CTNND2: variants seen among roughly 807,000 people sequenced by gnomAD.
CTNND2 encodes the protein catenin delta 2, also known as catenin delta-2.
A neutral mutation model predicts 144.4 loss-of-function variants in CTNND2; 22 were observed. The ratio of observed to expected loss-of-function variants is 0.15; its 90% CI spans 0.11 to 0.22. The LOEUF is 0.22. CTNND2 is among the 10% of genes least tolerant of loss of function. CTNND2 has a pLI of 1.00. For missense variants in CTNND2, 1,353 were observed against 1,618.8 expected, an observed-to-expected ratio of 0.84 and a Z score of 2.82; for synonymous variants, 751 against 695.6, an observed-to-expected ratio of 1.08 and a Z score of -1.25.
intron 2 of CTNND2, among the ~76,000 whole-genome samples, chr5:11,620,595 C>T (rs1039413106): frequency 2.6e-5 from 4 of 152,146 alleles, no homozygotes; most frequent in Non-Finnish European, 5.9e-5. Flanking sequence ...TCATGGGGTG[C>T]CCCTCATTTT....
chr5:11,518,365 G>A (rs1772386745), intron 3 of CTNND2, among the ~76,000 whole-genome samples: 1 of 152,162 alleles, frequency 6.6e-6, no homozygotes, highest in Non-Finnish European at 1.5e-5. Context: ...TATTAGAAAA[G>A]AGTCAAAAAG....
chr5:11,456,324 T>G (rs1252857441), intron 3 of CTNND2, among the ~76,000 whole-genome samples: 1 of 152,032 alleles, frequency 6.6e-6, no homozygotes, highest in African/African-American at 2.4e-5. Context: ...TGCTTTTTTT[T>G]TTTTTGGTGT....
At chr5:11,743,894 C>T (rs1244156870) in intron 1 of CTNND2, among the ~76,000 whole-genome samples, 2 of 152,124 alleles carry the variant, frequency 1.3e-5, no homozygotes, top group Non-Finnish European at 2.9e-5. Context: ...ATGAGCTATT[C>T]ATCATTGAGA....
intron 7 of CTNND2, among the ~76,000 whole-genome samples, chr5:11,378,584 G>A (rs905957737): frequency 2.6e-5 from 4 of 152,182 alleles, no homozygotes; most frequent in East Asian, 1.9e-4. Context: ...TGAGAACTGC[G>A]CAATGCTTGT....
chr5:11,707,242 C>G (rs1051532785), intron 2 of CTNND2, among the ~76,000 whole-genome samples: 5 of 152,026 alleles, frequency 3.3e-5, no homozygotes, highest in Non-Finnish European at 1.5e-5. Flanking sequence ...ACCAGGGAAG[C>G]TACTAAAATA....
chr5:11,727,620 C>T (rs1787096750), intron 2 of CTNND2, among the ~76,000 whole-genome samples: 1 of 152,154 alleles, frequency 6.6e-6, no homozygotes. Flanking sequence ...GAAAGTTCAA[C>T]TGGTAGCACT....
chr5:11,617,000 C>A (rs1183992561), intron 2 of CTNND2, among the ~76,000 whole-genome samples: 1 of 152,104 alleles, frequency 6.6e-6, no homozygotes, highest in East Asian at 1.9e-4. Flanking sequence ...AGGATTTATT[C>A]CTTTGCATAC....
chr5:11,364,608 A>G, intron 8 of CTNND2, 88 bp downstream of exon 8: 1 of 1,072,968 alleles, frequency 9.3e-7, no homozygotes. Context: ...ACACAGACAC[A>G]CACCTTTCAT....
chr5:11,639,476 A>C (rs1158763962), intron 2 of CTNND2, among the ~76,000 whole-genome samples: 11 of 152,222 alleles, frequency 7.2e-5, no homozygotes, highest in Admixed American at 7.2e-4. Context: ...ATTCTAAAAG[A>C]GCATCTGTCT....
At chr5:11,308,278 T>C (rs1750462998) in intron 9 of CTNND2, among the ~76,000 whole-genome samples, 1 of 152,130 alleles carries the variant, frequency 6.6e-6, no homozygotes. Flanking sequence ...AGGCTCTTAA[T>C]GTATCACATA....
At chr5:11,679,393 A>G (rs1259928013) in intron 2 of CTNND2, among the ~76,000 whole-genome samples, 1 of 152,226 alleles carries the variant, frequency 6.6e-6, no homozygotes, top group Non-Finnish European at 1.5e-5. Context: ...TTGTATCTCT[A>G]TCAGAATTAA....
intron 1 of CTNND2, among the ~76,000 whole-genome samples, chr5:11,776,120 A>C (rs1790241132): frequency 6.6e-6 from 1 of 152,136 alleles, no homozygotes; most frequent in Non-Finnish European, 1.5e-5. Flanking sequence ...AAAGAGAATA[A>C]ATTTCTAGTG....
intron 3 of CTNND2, among the ~76,000 whole-genome samples, chr5:11,526,859 G>A (rs1410247626): frequency 1.3e-5 from 2 of 151,894 alleles, no homozygotes; most frequent in African/African-American, 4.8e-5. Flanking sequence ...CAGAGGAATG[G>A]AAGAAGAAAA....
intron 1 of CTNND2, among the ~76,000 whole-genome samples, chr5:11,806,781 T>G (rs1792027574): frequency 6.6e-6 from 1 of 152,072 alleles, no homozygotes; most frequent in African/African-American, 2.4e-5. Context: ...AACATAAATG[T>G]TAGCTATCAT....
intron 3 of CTNND2, among the ~76,000 whole-genome samples, chr5:11,533,375 C>T (rs1349070808): frequency 2.6e-5 from 4 of 152,168 alleles, no homozygotes; most frequent in Admixed American, 6.5e-5. Context: ...TCTCATGGCT[C>T]CTTCCACCTA....
chr5:11,009,145 C>T (rs752279997), intron 18 of CTNND2, among the ~76,000 whole-genome samples: 38 of 152,278 alleles, frequency 2.5e-4, no homozygotes, highest in African/African-American at 6.0e-4. Flanking sequence ...AATTCTGAGG[C>T]GGATGGCTGT....
intron 1 of CTNND2, among the ~76,000 whole-genome samples, chr5:11,760,623 G>T (rs1789204457): frequency 6.6e-6 from 1 of 152,110 alleles, no homozygotes; most frequent in Non-Finnish European, 1.5e-5. Context: ...TACTTCAAAA[G>T]TTTCTTAGAT....
intron 9 of CTNND2, among the ~76,000 whole-genome samples, chr5:11,308,821 A>T (rs1750513850): frequency 6.6e-6 from 1 of 152,164 alleles, no homozygotes; most frequent in Admixed American, 6.5e-5. Context: ...GAGACTGGGT[A>T]ATTTATAAAA....
chr5:11,326,334 T>C (rs988769759), intron 9 of CTNND2, among the ~76,000 whole-genome samples: 4 of 152,148 alleles, frequency 2.6e-5, no homozygotes, highest in African/African-American at 9.7e-5. Context: ...TAATATGTAG[T>C]GAGGTTCCTG....
Sources: gnomAD v4.1 joint callset for allele counts (sites outside exome capture counted in the v4.1 genomes callset) on GRCh38, gnomAD v4.1.1 for gene constraint, MANE v1.5 for transcripts, NCBI Gene and HGNC (gene_info 2026-07-23, HGNC 2026-07-21) for gene names.